AKAP19: variants seen among roughly 807,000 people sequenced by gnomAD.
AKAP19 encodes small A-kinase anchoring protein.
chr2:190,038,938 T>C, the AKAP19 span, among the ~76,000 whole-genome samples: 274 of 137,784 alleles, frequency 2.0e-3, 8 homozygotes, highest in African/African-American at 8.1e-3. Context: ...CTTCTTCTTC[T>C]TCTTCTTCTT....
the AKAP19 span, among the ~76,000 whole-genome samples, chr2:190,009,098 A>G: frequency 6.6e-6 from 1 of 152,170 alleles, no homozygotes; most frequent in Non-Finnish European, 1.5e-5. Context: ...GAATAGCTAG[A>G]AGACCACTGT....
At chr2:190,031,367 G>C in the AKAP19 span, among the ~76,000 whole-genome samples, 1 of 152,168 alleles carries the variant, frequency 6.6e-6, no homozygotes, top group African/African-American at 2.4e-5. Context: ...TTCTCAGACA[G>C]TGAGATTCAT....
At chr2:190,096,178 A>G in the AKAP19 span, among the ~76,000 whole-genome samples, 131 of 152,308 alleles carry the variant, frequency 8.6e-4, no homozygotes, top group Non-Finnish European at 9.6e-4. Flanking sequence ...TTGGGCTGCA[A>G]AATGGCTGCC....
the AKAP19 span, among the ~76,000 whole-genome samples, chr2:189,975,350 CCT>C: frequency 6.6e-6 from 1 of 152,268 alleles, no homozygotes; most frequent in East Asian, 1.9e-4. Context: ...TGAGAGATCC[CCT>C]GTTAGTCTGA....
the AKAP19 span, among the ~76,000 whole-genome samples, chr2:190,007,885 C>T: frequency 6.6e-6 from 1 of 152,128 alleles, no homozygotes; most frequent in Non-Finnish European, 1.5e-5. Flanking sequence ...TCGCTTGAAC[C>T]CAGGAGGCAG....
the AKAP19 span, among the ~76,000 whole-genome samples, chr2:190,193,060 G>A: frequency 6.6e-6 from 1 of 152,052 alleles, no homozygotes; most frequent in Non-Finnish European, 1.5e-5. Flanking sequence ...TCATGAGAAT[G>A]ACTATTGCTG....
the AKAP19 span, among the ~76,000 whole-genome samples, chr2:189,893,338 C>T: frequency 1.3e-3 from 195 of 152,268 alleles, 1 homozygote; most frequent in African/African-American, 4.4e-3. Flanking sequence ...AAACCCAGGG[C>T]CCTGGTGGCG....
At chr2:189,918,536 A>G in the AKAP19 span, among the ~76,000 whole-genome samples, 1 of 152,190 alleles carries the variant, frequency 6.6e-6, no homozygotes, top group Non-Finnish European at 1.5e-5. Context: ...AATGTGGAGA[A>G]ATTGTAACAC....
chr2:190,167,798 G>A, the AKAP19 span, among the ~76,000 whole-genome samples: 1 of 152,220 alleles, frequency 6.6e-6, no homozygotes, highest in South Asian at 2.1e-4. Context: ...CATGGTCTTA[G>A]GCAGCTCCAC....
the AKAP19 span, among the ~76,000 whole-genome samples, chr2:190,160,975 A>C: frequency 2.6e-5 from 4 of 152,186 alleles, no homozygotes; most frequent in African/African-American, 9.6e-5. Flanking sequence ...ATTTGGTCTT[A>C]GATGATTCAT....
the AKAP19 span, among the ~76,000 whole-genome samples, chr2:189,889,217 T>C: frequency 6.6e-6 from 1 of 152,222 alleles, no homozygotes; most frequent in Non-Finnish European, 1.5e-5. Context: ...ATTGGTTCTG[T>C]AAATGTGATG....
At chr2:190,119,105 A>C in the AKAP19 span, among the ~76,000 whole-genome samples, 1 of 152,064 alleles carries the variant, frequency 6.6e-6, no homozygotes, top group Non-Finnish European at 1.5e-5. Flanking sequence ...TCATGAGTGA[A>C]CTCCCATTCA....
At chr2:189,975,005 G>T in the AKAP19 span, among the ~76,000 whole-genome samples, 1 of 152,160 alleles carries the variant, frequency 6.6e-6, no homozygotes, top group Non-Finnish European at 1.5e-5. Context: ...TGTTGTGTGT[G>T]AATTTGATCC....
the AKAP19 span, among the ~76,000 whole-genome samples, chr2:190,037,344 G>T: frequency 6.6e-6 from 1 of 152,188 alleles, no homozygotes; most frequent in Non-Finnish European, 1.5e-5. Context: ...TCATTATAGG[G>T]TTATTATAAA....
At chr2:189,924,916 G>A in the AKAP19 span, among the ~76,000 whole-genome samples, 1 of 151,502 alleles carries the variant, frequency 6.6e-6, no homozygotes, top group Non-Finnish European at 1.5e-5. Flanking sequence ...ATAAAAATAA[G>A]CTTCATTATG....
the AKAP19 span, among the ~76,000 whole-genome samples, chr2:190,139,814 T>C: frequency 6.6e-6 from 1 of 152,092 alleles, no homozygotes; most frequent in Non-Finnish European, 1.5e-5. Context: ...AAATCTCATG[T>C]CGTCACATTT....
At chr2:190,091,547 A>AAC in the AKAP19 span, among the ~76,000 whole-genome samples, 1 of 150,392 alleles carries the variant, frequency 6.6e-6, no homozygotes, top group South Asian at 2.1e-4. Context: ...TCTTTTGTTA[A>AAC]ACACACACAC....
chr2:190,167,327 T>C, the AKAP19 span, among the ~76,000 whole-genome samples: 1 of 152,162 alleles, frequency 6.6e-6, no homozygotes. Flanking sequence ...CATGTTTCAG[T>C]TACCTCTCAC....
At chr2:189,961,822 G>A in the AKAP19 span, among the ~76,000 whole-genome samples, 2 of 151,784 alleles carry the variant, frequency 1.3e-5, no homozygotes, top group African/African-American at 2.4e-5. Context: ...TGAGGCAGGA[G>A]AATCACTTGA....
Sources: allele counts gnomAD v4.1 joint callset (sites outside exome capture counted in the v4.1 genomes callset), GRCh38; gene constraint gnomAD v4.1.1; transcripts MANE v1.5; gene names NCBI Gene and HGNC (gene_info 2026-07-23, HGNC 2026-07-21).